The following KCNK9 variants were observed in gnomAD, a reference collection of about 807,000 sequenced individuals.
The protein encoded by KCNK9 is potassium two pore domain channel subfamily K member 9.
A neutral mutation model predicts 10.8 loss-of-function variants in KCNK9; 1 was observed. The observed-to-expected ratio is 0.09, with a 90% CI of 0.03 to 0.44. The LOEUF is 0.44. Among genes scored for constraint, KCNK9 ranks in the 20% least tolerant of loss-of-function variants. The pLI, the probability that KCNK9 is intolerant of heterozygous loss-of-function variation, is 0.97. For synonymous variants in KCNK9, 231 were observed against 222.7 expected (o/e 1.04, Z -0.33); for missense variants, 303 against 515.0 (o/e 0.59, Z 3.98).
intron 1 of KCNK9, among the ~76,000 whole-genome samples, chr8:139,694,775 G>A (rs1190409763): frequency 6.6e-6 from 1 of 152,044 alleles, no homozygotes; most frequent in Non-Finnish European, 1.5e-5. Flanking sequence ...TTCCTCCCAG[G>A]GCTCAAGTTC....
intron 1 of KCNK9, among the ~76,000 whole-genome samples, chr8:139,626,137 C>A (rs1814964891): frequency 6.6e-6 from 1 of 152,178 alleles, no homozygotes; most frequent in Non-Finnish European, 1.5e-5. Context: ...ATAGGGCAGC[C>A]TGGGCCAGGT....
At chr8:139,649,253 T>C (rs769384564) in intron 1 of KCNK9, among the ~76,000 whole-genome samples, 21 of 151,922 alleles carry the variant, frequency 1.4e-4, no homozygotes, top group Non-Finnish European at 2.5e-4. Context: ...TTCAAGTAGA[T>C]GAGATCTGGA....
intron 1 of KCNK9, among the ~76,000 whole-genome samples, chr8:139,668,193 G>A (rs972438448): frequency 1.3e-5 from 2 of 152,168 alleles, no homozygotes; most frequent in Non-Finnish European, 2.9e-5. Context: ...GGAGGGTGGA[G>A]GGTGAGAGAG....
chr8:139,698,728 G>A (rs1248601859), intron 1 of KCNK9, among the ~76,000 whole-genome samples: 3 of 152,214 alleles, frequency 2.0e-5, no homozygotes, highest in Non-Finnish European at 2.9e-5. Flanking sequence ...CCAGGTGCTC[G>A]CCCAGAGTGT....
chr8:139,614,908 T>C (rs931409112), downstream of KCNK9, among the ~76,000 whole-genome samples: 4 of 152,252 alleles, frequency 2.6e-5, no homozygotes, highest in African/African-American at 9.6e-5. Context: ...TTCTAGGTAC[T>C]GGCTGGTGGG....
At chr8:139,670,288 T>C (rs944484640) in intron 1 of KCNK9, among the ~76,000 whole-genome samples, 3 of 152,140 alleles carry the variant, frequency 2.0e-5, no homozygotes, top group East Asian at 1.9e-4. Flanking sequence ...TAATAAATAA[T>C]GAAAAAGTTT....
intron 1 of KCNK9, among the ~76,000 whole-genome samples, chr8:139,624,491 C>A (rs1041170085): frequency 6.6e-6 from 1 of 152,196 alleles, no homozygotes; most frequent in Non-Finnish European, 1.5e-5. Context: ...TCACTCAGTG[C>A]TTTAGGCTCC....
downstream of KCNK9, among the ~76,000 whole-genome samples, chr8:139,613,476 C>T (rs1814492356): frequency 6.6e-6 from 1 of 152,180 alleles, no homozygotes; most frequent in Non-Finnish European, 1.5e-5. Flanking sequence ...GTTCTCTCTG[C>T]TATTGCCGGT....
intron 1 of KCNK9, among the ~76,000 whole-genome samples, chr8:139,675,477 C>T (rs1172068385): frequency 6.6e-6 from 1 of 152,058 alleles, no homozygotes; most frequent in African/African-American, 2.4e-5. Context: ...AAGGACAGAC[C>T]CCAGAAAGCC....
rs1158002589 is a variant in KCNK9 at position 139,687,423 on chromosome 8, T to TAC, written c.283+15285_283+15286dup. 1.8e-4 allele frequency among the ~76,000 whole-genome samples: 24 copies of TAC among 130,376 alleles called. 1 individual carries two copies. Among genetic ancestry groups the TAC allele is most frequent in the African/African-American group, 5.7e-4 (20 of 34,804 alleles). The allele number at this position is 130,376 out of a possible 152,430, so 85.5% of individuals were successfully genotyped here. A position where few individuals can be genotyped will look rare whatever the true frequency, so the allele number is the denominator to read the frequency against. On this transcript the variant is annotated intron_variant, in intron 1 of 1. Transcript: ENST00000520439. ...ATACATATATATTCATATATGTGTA[T>TAC]ACATATATATTCATATATATGTATA...
intron 1 of KCNK9, among the ~76,000 whole-genome samples, chr8:139,661,488 GCCCTC>G (rs1483981389): frequency 2.0e-5 from 3 of 152,184 alleles, no homozygotes; most frequent in Non-Finnish European, 4.4e-5. Flanking sequence ...TGCCAGGCTT[GCCCTC>G]GTCACAGCCC....
chr8:139,644,272 C>G (rs1311505343), intron 1 of KCNK9, among the ~76,000 whole-genome samples: 2 of 152,210 alleles, frequency 1.3e-5, no homozygotes, highest in African/African-American at 4.8e-5. Flanking sequence ...CCTTAGCATC[C>G]TGTCTCGGCA....
chr8:139,617,982 G>A lies in KCNK9; in HGVS notation c.*276C>T. On this transcript the variant is annotated 3_prime_UTR_variant, in exon 2 of 2. Transcript: ENST00000520439. ...TGATGGGGTGGGTGGGGTGAGAAAT[G>A]TAAGGCATAGTCTGCTGGGAAGGAA... 2.2e-6 allele frequency: 1 copy of A among 454,686 alleles called. No individual in the cohort carries two copies. The highest frequency in any genetic ancestry group is 2.2e-5 in the South Asian group (1 of 44,476). The allele number at this position is 454,686 out of a possible 1,614,324, so 28.2% of individuals were successfully genotyped here. A position where few individuals can be genotyped will look rare whatever the true frequency, so the allele number is the denominator to read the frequency against.
chr8:139,674,037 C>T (rs1363980706), intron 1 of KCNK9, among the ~76,000 whole-genome samples: 4 of 152,192 alleles, frequency 2.6e-5, no homozygotes, highest in Admixed American at 6.5e-5. Context: ...TGTGCCAGGG[C>T]GACAGGAACC....
intron 1 of KCNK9, among the ~76,000 whole-genome samples, chr8:139,679,441 C>A (rs1273147209): frequency 6.6e-6 from 1 of 152,244 alleles, no homozygotes; most frequent in Non-Finnish European, 1.5e-5. Context: ...CTTCTTGTTA[C>A]AAGGGAAACC....
chr8:139,675,836 C>T (rs1816536796), intron 1 of KCNK9, among the ~76,000 whole-genome samples: 1 of 152,114 alleles, frequency 6.6e-6, no homozygotes, highest in South Asian at 2.1e-4. Context: ...TGTTGGTGTT[C>T]ACCAAACCTC....
chr8:139,695,453 G>A (rs1045791083), intron 1 of KCNK9, among the ~76,000 whole-genome samples: 4 of 152,366 alleles, frequency 2.6e-5, no homozygotes, highest in Admixed American at 2.6e-4. Flanking sequence ...CAGAACAGGA[G>A]GGAGGCCAAG....
chr8:139,616,329 G>T (rs528042456), downstream of KCNK9: 5 of 152,220 alleles, frequency 3.3e-5, no homozygotes, highest in African/African-American at 9.6e-5. Flanking sequence ...AGATTTTAGA[G>T]CCCCAAGTAG....
At chr8:139,650,215 G>C (rs1466688607) in intron 1 of KCNK9, among the ~76,000 whole-genome samples, 1 of 152,216 alleles carries the variant, frequency 6.6e-6, no homozygotes, top group Non-Finnish European at 1.5e-5. Context: ...GCTGGCTGCT[G>C]TTTGAAGAAC....
Sources: allele counts gnomAD v4.1 joint callset (sites outside exome capture counted in the v4.1 genomes callset), GRCh38; gene constraint gnomAD v4.1.1; transcripts MANE v1.5; gene names NCBI Gene and HGNC (gene_info 2026-07-23, HGNC 2026-07-21).